The following MAP3K5 variants were observed in gnomAD, a reference collection of about 807,000 sequenced individuals.
MAP3K5 encodes ASK-1.
MAP3K5 carries 56 observed loss-of-function variants against 158.7 expected under a neutral mutation model. The observed-to-expected ratio is 0.35, with a 90% confidence interval of 0.28 to 0.44. MAP3K5 has a LOEUF of 0.44. Ranked by LOEUF, MAP3K5 falls within the 20% of genes least tolerant of loss-of-function variation. The pLI is 1.00. For missense variants in MAP3K5, 1,294 were observed against 1,674.8 expected (o/e 0.77, Z 3.97); for synonymous variants, 579 against 601.7 (o/e 0.96, Z 0.55).
intron 2 of MAP3K5, among the ~76,000 whole-genome samples, chr6:136,717,109 A>G (rs955982848): frequency 1.3e-5 from 2 of 152,112 alleles, no homozygotes; most frequent in Non-Finnish European, 2.9e-5. Flanking sequence ...AGCAAAAAAA[A>G]AAAGAAAAAA....
rs6922031 is a variant in MAP3K5, at chr6:136,648,476, C to G, written c.1788+2508G>C. ...AGATGCTGCTCGGTATTGCTCAGTG[C>G]TACTAGATGGACTTGGTGTTGAGAG... On this transcript the variant is annotated intron_variant, in intron 11 of 29. Transcript: ENST00000359015. Among the ~76,000 whole-genome samples, 22 of 152,162 alleles carry G rather than the reference C, an allele frequency of 1.4e-4. 1 individual carries two copies. The highest frequency in any genetic ancestry group is 5.1e-4 in the African/African-American group (21 of 41,534).
intron 1 of MAP3K5, among the ~76,000 whole-genome samples, chr6:136,746,807 T>C (rs1047367509): frequency 2.6e-5 from 4 of 152,268 alleles, no homozygotes; most frequent in African/African-American, 9.6e-5. Context: ...GAACACCGTC[T>C]GTGCTCTAAG....
intron 24 of MAP3K5, among the ~76,000 whole-genome samples, 183 bp from the exon 25 acceptor site, chr6:136,580,589 T>G (rs1583214746): frequency 1.3e-5 from 2 of 152,350 alleles, no homozygotes; most frequent in Admixed American, 6.5e-5. Context: ...CAAAGTTTAG[T>G]GAGCCCCATG....
chr6:136,755,052 T>C (rs577131842), intron 1 of MAP3K5, among the ~76,000 whole-genome samples: 16 of 152,228 alleles, frequency 1.1e-4, no homozygotes, highest in Middle Eastern at 6.8e-3. Context: ...TCTGGTCTCC[T>C]AACGCATGCA....
chr6:136,749,517 C>T (rs1783102861), intron 1 of MAP3K5, among the ~76,000 whole-genome samples: 1 of 152,076 alleles, frequency 6.6e-6, no homozygotes, highest in Non-Finnish European at 1.5e-5. Flanking sequence ...GTCACACCCA[C>T]GGCCAGATAA....
intron 3 of MAP3K5, among the ~76,000 whole-genome samples, chr6:136,701,746 T>C (rs1780863508): frequency 6.6e-6 from 1 of 152,166 alleles, no homozygotes; most frequent in South Asian, 2.1e-4. Context: ...TAACTCAAAA[T>C]TACAAACGAA....
intron 1 of MAP3K5, among the ~76,000 whole-genome samples, chr6:136,728,983 G>C (rs893791652): frequency 6.6e-6 from 1 of 152,098 alleles, no homozygotes; most frequent in Non-Finnish European, 1.5e-5. Context: ...AAAAGGGAGA[G>C]GAAGGAGGAG....
Position 136,639,570 on chromosome 6 carries a change from T to C in MAP3K5, c.1907A>G (p.Tyr636Cys). 2 of 1,597,114 alleles carry C rather than the reference T, an allele frequency of 1.3e-6. No homozygotes were observed. The highest frequency in any genetic ancestry group is 1.7e-6 in the Non-Finnish European group (2 of 1,173,020). ...VLHNSDDFQI[Y>C]FCTELHCKKF... ...TTTACAATGAAGTTCTGTACAGAAA[T>C]AGATTTGGAAATCATCAGAATTGTG... is the stretch of plus-strand genomic sequence containing the variant. The change falls in exon 13 of 30, where the codon TAT (tyrosine) becomes TGT (cysteine). Residue 636 changes from tyrosine to cysteine, a missense_variant. Transcript: ENST00000359015.
chr6:136,684,105 C>T lies in MAP3K5; in HGVS notation c.1253+10035G>A, dbSNP rs577300915. 4.6e-5 allele frequency among the ~76,000 whole-genome samples: 7 copies of T among 152,214 alleles called. No individual in the cohort carries two copies. The South Asian group carries it at 1.5e-3, about 32-fold the overall frequency. On this transcript the variant is annotated intron_variant, in intron 7 of 29. Coordinates refer to ENST00000359015, the MANE Select transcript of MAP3K5 (RefSeq NM_005923.4). ...AATGAGCCAGGCATGGCGGCATACA[C>T]CTGTGGTCCCAGCTACTTGGGAGGC...
intron 28 of MAP3K5, among the ~76,000 whole-genome samples, chr6:136,561,243 T>C (rs1196852365): frequency 6.6e-6 from 1 of 152,182 alleles, no homozygotes; most frequent in Non-Finnish European, 1.5e-5. Flanking sequence ...TCACATTCTG[T>C]TAGCCTTCAG....
At chr6:136,689,555 C>T (rs917429053) in intron 7 of MAP3K5, among the ~76,000 whole-genome samples, 2 of 152,122 alleles carry the variant, frequency 1.3e-5, no homozygotes, top group African/African-American at 4.8e-5. Context: ...GAGATGGAGC[C>T]TAATGAAAGG....
At chr6:136,589,544 G>T (rs1259924714) in intron 23 of MAP3K5, among the ~76,000 whole-genome samples, 5 of 152,144 alleles carry the variant, frequency 3.3e-5, no homozygotes, top group Non-Finnish European at 7.3e-5. Context: ...CAGGTATTAT[G>T]GTTCTGTGTC....
At chr6:136,592,816 G>C in intron 21 of MAP3K5, 1 of 637,570 alleles carries the variant, frequency 1.6e-6, no homozygotes, top group Non-Finnish European at 2.9e-6. Context: ...AGCCAGGAAA[G>C]GGCCTCCCAG....
chr6:136,728,489 A>T (rs555668972), intron 1 of MAP3K5, among the ~76,000 whole-genome samples: 1 of 152,334 alleles, frequency 6.6e-6, no homozygotes, highest in South Asian at 2.1e-4. Context: ...ATCATCTATC[A>T]TCAAGGTCTT....
intron 14 of MAP3K5, among the ~76,000 whole-genome samples, chr6:136,634,830 G>A (rs565316019): frequency 5.3e-5 from 8 of 151,562 alleles, no homozygotes; most frequent in Non-Finnish European, 1.2e-4. Context: ...GCATCCCAAT[G>A]TGCTGGGATT....
At chr6:136,575,068 C>T in intron 25 of MAP3K5, among the ~76,000 whole-genome samples, 1 of 151,986 alleles carries the variant, frequency 6.6e-6, no homozygotes, top group African/African-American at 2.4e-5. Flanking sequence ...CAGAGAGTTC[C>T]TGTATAGCCT....
At chr6:136,674,649 A>G (rs12198737) in intron 7 of MAP3K5, among the ~76,000 whole-genome samples, 8,208 of 152,100 alleles carry the variant, frequency 0.054, 344 homozygotes, top group Non-Finnish European at 0.089. Context: ...ATCATTCCTA[A>G]TAAGAGATTT....
chr6:136,665,520 A>G (rs1365200401), intron 8 of MAP3K5, among the ~76,000 whole-genome samples: 2 of 152,036 alleles, frequency 1.3e-5, no homozygotes, highest in Non-Finnish European at 2.9e-5. Flanking sequence ...CTAATTTTGT[A>G]ATTTTAGTAG....
At chr6:136,578,824 G>C (rs1355422976) in intron 25 of MAP3K5, among the ~76,000 whole-genome samples, 1 of 151,810 alleles carries the variant, frequency 6.6e-6, no homozygotes, top group East Asian at 1.9e-4. Context: ...AACTCAGAAG[G>C]GTTGGCCTGA....
Sources: allele counts gnomAD v4.1 joint callset (sites outside exome capture counted in the v4.1 genomes callset), GRCh38; gene constraint gnomAD v4.1.1; transcripts MANE v1.5; gene names NCBI Gene and HGNC (gene_info 2026-07-23, HGNC 2026-07-21).